DMD: variants seen among roughly 807,000 people sequenced by gnomAD.
DMD encodes mutant dystrophin.
DMD carries 63 observed loss-of-function variants against 330.1 expected under a neutral mutation model. The observed-to-expected ratio is 0.19, with a 90% CI of 0.16 to 0.24. The LOEUF is 0.24. Among genes scored for constraint, DMD ranks in the 10% least tolerant of loss-of-function variants. The pLI is 1.00. For missense variants in DMD, 3,344 were observed against 2,684.1 expected (o/e 1.25, Z -5.43); for synonymous variants, 1,223 against 959.8 (o/e 1.27, Z -5.07).
rs766346892 is a variant in DMD at position 32,217,400 on chromosome X, C to T, written c.6291-337G>A. ...TTCCTAAAAATATATTTTTTTAATT[C>T]TAGAAATTTACAAATATCTTAACAT... is the stretch of plus-strand genomic sequence containing the variant. On this transcript the variant is annotated intron_variant, in intron 43 of 78. Coordinates refer to ENST00000357033, the MANE Select transcript of DMD (RefSeq NM_004006.3). 9.9e-5 allele frequency among the ~76,000 whole-genome samples: 11 copies of T among 110,767 alleles called. No individual in the cohort carries two copies. In the East Asian group the frequency reaches 2.5e-3, roughly 26 times the overall value.
intron 2 of DMD, among the ~76,000 whole-genome samples, chrX:32,941,488 T>C (rs748984269): frequency 9.0e-6 from 1 of 111,457 alleles, no homozygotes; most frequent in South Asian, 3.8e-4. Context: ...TGAAATCATG[T>C]CCTTCGTAGC....
chrX:31,419,402 C>T (rs1021020198), intron 60 of DMD, among the ~76,000 whole-genome samples: 2 of 110,164 alleles, frequency 1.8e-5, no homozygotes, highest in East Asian at 2.8e-4. Context: ...ATTCTCCACA[C>T]GTATACATTC....
chrX:33,024,369 G>A (rs972240349), intron 1 of DMD, among the ~76,000 whole-genome samples: 1 of 111,876 alleles, frequency 8.9e-6, no homozygotes, highest in African/African-American at 3.2e-5. Flanking sequence ...AATAAGAGAG[G>A]CAAAGAAGAA....
intron 2 of DMD, among the ~76,000 whole-genome samples, chrX:32,980,778 A>C (rs893110422): frequency 2.7e-5 from 3 of 112,182 alleles, no homozygotes; most frequent in Admixed American, 9.5e-5. Flanking sequence ...TTCGTAATCA[A>C]TTAAGCCGCA....
intron 17 of DMD, among the ~76,000 whole-genome samples, chrX:32,543,360 T>C (rs1302569287): frequency 1.8e-5 from 2 of 109,688 alleles, no homozygotes; most frequent in Admixed American, 2.0e-4. Context: ...CAATCCATTC[T>C]CCAAACAGGA....
intron 59 of DMD, among the ~76,000 whole-genome samples, chrX:31,476,385 A>G (rs916398970): frequency 2.0e-4 from 18 of 91,858 alleles, no homozygotes; most frequent in Admixed American, 2.4e-4. Context: ...CTAACTATGT[A>G]TGTGTGTGTG....
At chrX:31,824,850 C>T (rs1033236572) in intron 49 of DMD, among the ~76,000 whole-genome samples, 1 of 111,458 alleles carries the variant, frequency 9.0e-6, no homozygotes, top group Admixed American at 9.5e-5. Context: ...ATCATCAGTG[C>T]TCTTGAGACT....
Position 32,148,602 on chromosome X carries a change from TA to T in DMD, c.6438+68313del, listed in dbSNP as rs753333585. Among the ~76,000 whole-genome samples, 676 of 103,395 alleles carry T rather than the reference TA, an allele frequency of 6.5e-3. 6 individuals carry two copies. The highest frequency in any genetic ancestry group is 0.021 in the African/African-American group (614 of 28,682). The allele number at this position is 103,395 out of a possible 115,157, so 89.8% of individuals were successfully genotyped here. ...TTTACCAGAATATCTCCCCTTTGAT[TA>T]AAAAAAAAAAGATTATTGTAAAAGA... On this transcript the variant is annotated intron_variant, in intron 44 of 78. Coordinates refer to ENST00000357033, the MANE Select transcript of DMD (RefSeq NM_004006.3).
rs776992826 is a variant in DMD, at chrX:33,209,913, A to AAT, written c.31+1367_31+1368dup. Among the ~76,000 whole-genome samples the AAT allele has an allele frequency of 7.8e-4, 85 of 108,968 alleles. 2 individuals carry two copies. Among genetic ancestry groups the AAT allele is most frequent in the African/African-American group, 1.8e-3 (55 of 30,252 alleles). The allele number at this position is 108,968 out of a possible 115,157, so 94.6% of individuals were successfully genotyped here. ...CTTGTATATGATGTTAATTATGTAG[A>AAT]ATATATATATATATAAAATCACTAG... On this transcript the variant is annotated intron_variant, in intron 1 of 78. Coordinates refer to ENST00000357033, the MANE Select transcript of DMD (RefSeq NM_004006.3).
intron 1 of DMD, among the ~76,000 whole-genome samples, chrX:33,118,198 C>T (rs1326605351): frequency 1.9e-5 from 2 of 105,930 alleles, no homozygotes. Context: ...GCAAGCTCCG[C>T]CTCCCGGGTT....
chrX:32,221,991 G>A (rs1028958525), intron 43 of DMD, among the ~76,000 whole-genome samples: 2 of 111,510 alleles, frequency 1.8e-5, no homozygotes, highest in Non-Finnish European at 3.8e-5. Context: ...CTCATTGGTC[G>A]GCTGGCACTT....
chrX:33,298,017 G>A (rs1360743838), intron 1 of DMD, among the ~76,000 whole-genome samples: 2 of 111,127 alleles, frequency 1.8e-5, no homozygotes, highest in Middle Eastern at 4.6e-3. Context: ...TCAAAATACC[G>A]TGTTGTATAT....
intron 20 of DMD, 120 bp from the exon 21 acceptor site, chrX:32,485,219 A>T: frequency 1.6e-6 from 1 of 643,063 alleles, no homozygotes; most frequent in Non-Finnish European, 2.5e-6. Context: ...CAAATATCTG[A>T]TAAGAAACAT....
intron 1 of DMD, among the ~76,000 whole-genome samples, chrX:33,102,790 G>A (rs910965534): frequency 9.0e-6 from 1 of 111,483 alleles, no homozygotes; most frequent in Non-Finnish European, 1.9e-5. Flanking sequence ...TCGTATATAT[G>A]TACATATATA....
intron 44 of DMD, among the ~76,000 whole-genome samples, chrX:32,055,916 G>T (rs2096168304): frequency 1.8e-5 from 2 of 110,955 alleles, no homozygotes. Context: ...ATCTAACAAA[G>T]AAATCTTTCT....
chrX:33,179,626 G>A (rs766548382), intron 1 of DMD, among the ~76,000 whole-genome samples: 3 of 107,242 alleles, frequency 2.8e-5, no homozygotes, highest in African/African-American at 6.8e-5. Flanking sequence ...CCTGGGAGGC[G>A]GAGCTTGCAG....
chrX:32,393,401 C>A (rs2098017942), intron 30 of DMD, among the ~76,000 whole-genome samples: 1 of 111,236 alleles, frequency 9.0e-6, no homozygotes, highest in African/African-American at 3.3e-5. Flanking sequence ...AACTTTATGT[C>A]CCAAATGAAT....
intron 55 of DMD, among the ~76,000 whole-genome samples, chrX:31,612,546 G>A (rs956661280): frequency 8.9e-6 from 1 of 111,747 alleles, no homozygotes; most frequent in Admixed American, 9.5e-5. Context: ...AGAGACAGGA[G>A]GAGAAGAGAA....
intron 63 of DMD, among the ~76,000 whole-genome samples, chrX:31,259,895 A>T (rs16989486): frequency 9.2e-6 from 1 of 109,057 alleles, no homozygotes; most frequent in Non-Finnish European, 1.9e-5. Context: ...TGATTCCCAC[A>T]GTGTTCATCA....
Sources: allele counts gnomAD v4.1 joint callset (sites outside exome capture counted in the v4.1 genomes callset), GRCh38; gene constraint gnomAD v4.1.1; transcripts MANE v1.5; gene names NCBI Gene and HGNC (gene_info 2026-07-23, HGNC 2026-07-21).